UROC1: variants seen among roughly 807,000 people sequenced by gnomAD.
The protein encoded by UROC1 is urocanate hydratase 1.
Under a neutral mutation model 89.5 loss-of-function variants are expected in UROC1, and 79 were observed. The ratio of observed to expected loss-of-function variants is 0.88; its 90% CI spans 0.74 to 1.06. UROC1 has a LOEUF of 1.06. Ranked by LOEUF, UROC1 falls within the 50% of genes least tolerant of loss-of-function variation. The pLI is 0.00. For synonymous variants in UROC1, 361 were observed against 354.8 expected (o/e 1.02, Z -0.20); for missense variants, 885 against 907.8 (o/e 0.97, Z 0.32).
chr3:126,483,460 A>G lies in UROC1; in HGVS notation c.1799T>C (p.Val600Ala), dbSNP rs763877001. The change falls in exon 19 of 20, where the codon GTG (valine) becomes GCG (alanine). Residue 600 changes from valine (V) to alanine (A), a missense_variant. Val to Ala is a moderately conservative substitution (Grantham distance 64). Coordinates refer to ENST00000290868, the MANE Select transcript of UROC1 (RefSeq NM_144639.3). ...CACGAGGCCGAATCCCCCGTTGATC[A>G]CCTCACCCCTGCAGGAGGCAGAGGA... ...HNGGGVGWGE[V>A]INGGFGLVLD... 1.2e-6 allele frequency: 2 copies of G among 1,613,694 alleles called. No homozygotes were observed. The highest frequency in any genetic ancestry group is 1.7e-6 in the Non-Finnish European group (2 of 1,179,990).
chr3:126,498,154 TCC>T lies in UROC1; in HGVS notation c.1333_1334del (p.Gly445IlefsTer33). The T allele has an allele frequency of 1.2e-6, 2 of 1,614,146 alleles. No homozygotes were observed. Among genetic ancestry groups the T allele is most frequent in the Non-Finnish European group, 1.7e-6 (2 of 1,180,018 alleles). Reference sequence around the variant, plus strand: ...TGCACACCCAGCGGAAAGGCCCAAATCCCTGGGAGAATATGTCCCTGCAAGCA... The same window carrying T: ...TGCACACCCAGCGGAAAGGCCCAAATCTGGGAGAATATGTCCCTGCAAGCA... ...QHIMGDIFSQGFGPFRWVCTS... is the reference protein window; with the variant it reads ...QHIMGDIFSQXFGPFRWVCTS... On this transcript the variant is annotated frameshift_variant, in exon 14 of 20. Transcript: ENST00000290868. LOFTEE classifies it high-confidence loss of function.
rs1560117725 is a variant in UROC1 at position 126,492,448 on chromosome 3, AATGGCCACAGCG to A, written c.1566_1577del (p.Ala523_Ile526del). The A allele has an allele frequency of 6.2e-7, 1 of 1,613,792 alleles. No homozygotes were observed. Among genetic ancestry groups the A allele is most frequent in the Non-Finnish European group, 8.5e-7 (1 of 1,179,982 alleles). On this transcript the variant is annotated inframe_deletion, in exon 16 of 20. Transcript: ENST00000290868. ...TCCTCCTGCAGGCGATGGCCTGGTT[AATGGCCACAGCG>A]ATGGCCACGCGGCCCTTCTGGTCTG... is the stretch of plus-strand genomic sequence containing the variant.
intron 19 of UROC1, 114 bp from the exon 20 acceptor site, chr3:126,482,599 G>T: frequency 1.3e-6 from 2 of 1,507,152 alleles, no homozygotes; most frequent in South Asian, 1.1e-5. Flanking sequence ...CTGTCCGTGG[G>T]GACAGCTGCC....
At chr3:126,503,862 T>C (rs528129661) in intron 9 of UROC1, 133 bp downstream of exon 9, 50 of 913,914 alleles carry the variant, frequency 5.5e-5, no homozygotes, top group Admixed American at 3.8e-4. Flanking sequence ...TGCATGTATG[T>C]GTGGTGCCCA....
rs77230200 is a variant in UROC1, at chr3:126,493,180, C to T, written c.1510-664G>A. 6.4e-3 allele frequency among the ~76,000 whole-genome samples: 974 copies of T among 152,220 alleles called. 12 individuals are homozygous for T. The highest frequency in any genetic ancestry group is 0.023 in the African/African-American group (945 of 41,514). The stretch of plus-strand genomic sequence containing the variant: ...TGAAATGAGTCACTGTGTAGCCCCG[C>T]GGTCCTCAAGCAGGATGACATTTGG... On this transcript the variant is annotated intron_variant, in intron 15 of 19. Transcript: ENST00000290868.
intron 17 of UROC1, 52 bp downstream of exon 17, chr3:126,489,217 CAATTTTT>C: frequency 2.7e-6 from 4 of 1,495,174 alleles, no homozygotes; most frequent in Non-Finnish European, 2.8e-6. Context: ...CTAAATGCAT[CAATTTTT>C]AATAAAATCC....
chr3:126,510,680 G>A lies in UROC1; in HGVS notation c.241C>T (p.Pro81Ser). The A allele has an allele frequency of 6.2e-7, 1 of 1,614,068 alleles. No homozygotes were observed. Among genetic ancestry groups the A allele is most frequent in the East Asian group, 2.2e-5 (1 of 44,882 alleles). The change falls in exon 2 of 20, where the codon CCC becomes TCC. Residue 81 changes from proline to serine, a missense_variant. Pro to Ser is a moderately conservative substitution (Grantham distance 74). Coordinates refer to ENST00000290868, the MANE Select transcript of UROC1 (RefSeq NM_144639.3). ...YGHIYMYRFC[P>S]DIEMRAYPIE... Reference sequence around the variant, plus strand: ...AAGGCTGACCTCATTTCAATGTCGGGGCAAAACCGGTACATGTAGATGTGT... The same window carrying A: ...AAGGCTGACCTCATTTCAATGTCGGAGCAAAACCGGTACATGTAGATGTGT...
chr3:126,499,484 G>A (rs1006732422), intron 12 of UROC1, 75 bp from the exon 13 acceptor site: 100 of 1,400,080 alleles, frequency 7.1e-5, no homozygotes, highest in Admixed American at 1.9e-4. Flanking sequence ...CTTAAACACA[G>A]GGCCCAGAGG....
intron 18 of UROC1, among the ~76,000 whole-genome samples, chr3:126,484,754 T>C (rs4679249): frequency 0.14 from 21,014 of 152,190 alleles, 1,547 homozygotes; most frequent in African/African-American, 0.16. Context: ...GGGCAGTCCA[T>C]GGCCTGCAGT....
At position 126,503,075 on chromosome 3, in the gene UROC1, A is replaced by G. The variant is rs372692068; in HGVS notation, c.902+920T>C. 4.1e-4 allele frequency among the ~76,000 whole-genome samples: 62 copies of G among 152,262 alleles called. No homozygotes were observed. In the East Asian group the frequency reaches 0.011, roughly 26 times the overall value. On this transcript the variant is annotated intron_variant, in intron 9 of 19. Coordinates refer to ENST00000290868, the MANE Select transcript of UROC1 (RefSeq NM_144639.3). ...TACATGCACACACTCAGGATGCTAA[A>G]CAGCCTGAATAGGGATGGGAGTTAG...
At chr3:126,500,394 A>T (rs1935889715) in intron 11 of UROC1, among the ~76,000 whole-genome samples, 1 of 151,508 alleles carries the variant, frequency 6.6e-6, no homozygotes. Flanking sequence ...CTGGTCCCCA[A>T]CCCCATCAGG....
chr3:126,492,669 T>A (rs1327827749), intron 15 of UROC1, among the ~76,000 whole-genome samples, 153 bp from the exon 16 acceptor site: 1 of 152,144 alleles, frequency 6.6e-6, no homozygotes, highest in Non-Finnish European at 1.5e-5. Context: ...CCAGGGTGCA[T>A]GGTAGCTCTC....
At chr3:126,484,661 C>G (rs1421080618) in intron 18 of UROC1, among the ~76,000 whole-genome samples, 1 of 152,206 alleles carries the variant, frequency 6.6e-6, no homozygotes, top group African/African-American at 2.4e-5. Flanking sequence ...CTACACTCCC[C>G]ATTCCTGGTC....
chr3:126,513,323 T>G (rs1001127828), intron 1 of UROC1, among the ~76,000 whole-genome samples: 16 of 152,246 alleles, frequency 1.1e-4, no homozygotes, highest in Non-Finnish European at 1.9e-4. Context: ...TTTGAGTCAC[T>G]CCTGTTCCTG....
At chr3:126,492,897 G>A (rs1935688156) in intron 15 of UROC1, among the ~76,000 whole-genome samples, 1 of 152,202 alleles carries the variant, frequency 6.6e-6, no homozygotes, top group Non-Finnish European at 1.5e-5. Flanking sequence ...ACGCCATCCA[G>A]GGCAAGTTTG....
At chr3:126,483,706 C>T (rs112987968) in intron 18 of UROC1, among the ~76,000 whole-genome samples, 3,195 of 152,312 alleles carry the variant, frequency 0.021, 132 homozygotes, top group African/African-American at 0.074. Flanking sequence ...CTGTCGGCCT[C>T]GTGCCCACTT....
intron 6 of UROC1, among the ~76,000 whole-genome samples, chr3:126,506,499 C>T (rs1936063758): frequency 6.6e-6 from 1 of 152,110 alleles, no homozygotes; most frequent in Non-Finnish European, 1.5e-5. Context: ...GGAAGCAAGA[C>T]AGATTGGGAG....
intron 1 of UROC1, among the ~76,000 whole-genome samples, chr3:126,513,155 T>C (rs1936230358): frequency 6.6e-6 from 1 of 152,088 alleles, no homozygotes; most frequent in South Asian, 2.1e-4. Context: ...TGTGTGTGTG[T>C]GTGTGTGTGT....
chr3:126,482,374 G>A lies in UROC1; in HGVS notation c.2002C>T (p.Arg668Trp), dbSNP rs550425741. The A allele has an allele frequency of 7.7e-5, 124 of 1,613,624 alleles. 1 individual carries two copies. Among genetic ancestry groups the A allele is most frequent in the South Asian group, 5.4e-4 (49 of 91,030 alleles). ...AGCTGCAGGGCCTGCTGGAGCACCC[G>A]CTCGTCCTCCACCTTGTGAGGCAGT... Reference protein sequence around the residue: ...VTLPHKVEDERVLQQALQL With the variant: ...VTLPHKVEDEWVLQQALQL The change falls in exon 20 of 20, where the codon CGG becomes TGG. Residue 668 changes from arginine (R) to tryptophan (W), a missense_variant. Arg to Trp is a moderately radical substitution (Grantham distance 101). Transcript: ENST00000290868.
Sources: gnomAD v4.1 joint callset for allele counts (sites outside exome capture counted in the v4.1 genomes callset) on GRCh38, gnomAD v4.1.1 for gene constraint, MANE v1.5 for transcripts, NCBI Gene and HGNC (gene_info 2026-07-23, HGNC 2026-07-21) for gene names.